Variants in MB21D2 observed in about 807,000 individuals in gnomAD.
The protein encoded by MB21D2 is Mab-21 domain containing 2.
A neutral mutation model predicts 33.3 loss-of-function variants in MB21D2; 9 were observed. The ratio of observed to expected loss-of-function variants is 0.27; its 90% CI spans 0.16 to 0.47. The LOEUF (loss-of-function observed/expected upper bound fraction) is 0.47, where lower values mean the gene tolerates loss of function less well. Ranked by LOEUF, MB21D2 falls within the 20% of genes least tolerant of loss-of-function variation. The pLI is 0.99. For synonymous variants in MB21D2, 241 were observed against 236.3 expected (o/e 1.02, Z -0.18); for missense variants, 540 against 624.6 (o/e 0.86, Z 1.44).
chr3:192,879,510 T>C (rs1457265738), intron 1 of MB21D2, among the ~76,000 whole-genome samples: 1 of 152,222 alleles, frequency 6.6e-6, no homozygotes, highest in Non-Finnish European at 1.5e-5. Flanking sequence ...CATCTCCACA[T>C]TCCTTTCTAG....
chr3:192,805,549 A>G (rs1451609940), intron 1 of MB21D2, among the ~76,000 whole-genome samples: 1 of 152,178 alleles, frequency 6.6e-6, no homozygotes, highest in African/African-American at 2.4e-5. Flanking sequence ...AACAGGGCTG[A>G]TTTAAAAGAT....
At chr3:192,912,034 G>A (rs774966565) in intron 1 of MB21D2, among the ~76,000 whole-genome samples, 1 of 152,158 alleles carries the variant, frequency 6.6e-6, no homozygotes, top group Non-Finnish European at 1.5e-5. Context: ...TGGAAAGGTA[G>A]GGCTTCAAAA....
chr3:192,821,343 A>C (rs138655536), intron 1 of MB21D2, among the ~76,000 whole-genome samples: 93 of 152,332 alleles, frequency 6.1e-4, no homozygotes, highest in Non-Finnish European at 7.9e-4. Context: ...GTTGACTCAC[A>C]AACATTTCAT....
chr3:192,805,687 C>T (rs1711646416), intron 1 of MB21D2, among the ~76,000 whole-genome samples: 1 of 152,176 alleles, frequency 6.6e-6, no homozygotes, highest in Admixed American at 6.5e-5. Flanking sequence ...GTGAGGCTAA[C>T]AAATTACTTA....
chr3:192,853,187 G>C (rs1463238971), intron 1 of MB21D2, among the ~76,000 whole-genome samples: 2 of 152,080 alleles, frequency 1.3e-5, no homozygotes, highest in Non-Finnish European at 2.9e-5. Context: ...CCTGGTCTTT[G>C]AGACCAACCA....
At position 192,799,171 on chromosome 3, in the gene MB21D2, T is replaced by C. The variant is rs1284730856; in HGVS notation, c.691A>G (p.Met231Val). Residue 231 changes from methionine (M) to valine (V), a missense_variant, in exon 2 of 2, where the codon ATG becomes GTG. Coordinates refer to ENST00000392452, the MANE Select transcript of MB21D2 (RefSeq NM_178496.4). This position sits in a 1 kb window ranked among gnomAD's most constrained non-coding sequence, Gnocchi z 4.1. ...SIILGVGSSRMLYDIVPVVSF... is the reference protein window; with the variant it reads ...SIILGVGSSRVLYDIVPVVSF... ...ACCACAGGGACAATATCATACAACA[T>C]GCGACTACTCCCTACACCCAGAATG... The C allele has an allele frequency of 6.2e-7, 1 of 1,614,194 alleles. No individual in the cohort carries two copies. Among genetic ancestry groups the C allele is most frequent in the Non-Finnish European group, 8.5e-7 (1 of 1,180,030 alleles).
At chr3:192,896,011 C>T (rs778137696) in intron 1 of MB21D2, among the ~76,000 whole-genome samples, 5 of 151,960 alleles carry the variant, frequency 3.3e-5, no homozygotes, top group South Asian at 2.1e-4. Context: ...CTTAAGGAGA[C>T]GGAAAAAAAG....
intron 1 of MB21D2, among the ~76,000 whole-genome samples, chr3:192,915,740 T>C (rs569348354): frequency 4.6e-5 from 7 of 152,312 alleles, no homozygotes; most frequent in Admixed American, 2.0e-4. Flanking sequence ...GCTTTGCTGA[T>C]TCAGTGTATC....
chr3:192,914,727 T>C (rs1253872728), intron 1 of MB21D2, among the ~76,000 whole-genome samples: 1 of 151,798 alleles, frequency 6.6e-6, no homozygotes, highest in African/African-American at 2.4e-5. Flanking sequence ...AAAATCAGAA[T>C]CTCTGTACAA....
rs141019848 is a variant in MB21D2 at position 192,887,734 on chromosome 3, C to T, written c.211+29896G>A. On this transcript the variant is annotated intron_variant, in intron 1 of 1. Transcript: ENST00000392452. ...TTACTAACAGGTTGCTTTGCTCTTA[C>T]GTAAAAATAAAAAGCATCCTATTTT... Among the ~76,000 whole-genome samples the T allele has an allele frequency of 6.5e-4, 99 of 152,184 alleles. 4 individuals are homozygous for T. Among genetic ancestry groups the T allele is most frequent in the African/African-American group, 2.1e-3 (88 of 41,480 alleles).
rs1362705994 is a variant in MB21D2, at chr3:192,798,688, T to C, written c.1174A>G (p.Thr392Ala). 6.2e-6 allele frequency: 10 copies of C among 1,613,220 alleles called. No homozygotes were observed. The highest frequency in any genetic ancestry group is 1.3e-5 in the African/African-American group (1 of 74,904). ...AGCTTCCGGGCGTGAAGCATGACTG[T>C]CTCCTCAGACAGATGTTCCAGCATG... ...CNMLEHLSEE[T>A]VMLHARKLSS... The change falls in exon 2 of 2, where the codon ACA (threonine) becomes GCA (alanine). Residue 392 changes from threonine (T) to alanine (A), a missense_variant. By Grantham distance (58) the Thr-to-Ala change is moderately conservative. Coordinates refer to ENST00000392452, the MANE Select transcript of MB21D2 (RefSeq NM_178496.4). This position sits in a 1 kb window ranked among gnomAD's most constrained non-coding sequence, Gnocchi z 4.8.
Position 192,881,411 on chromosome 3 carries a change from C to T in MB21D2, c.211+36219G>A, listed in dbSNP as rs147175273. 5.9e-3 allele frequency among the ~76,000 whole-genome samples: 899 copies of T among 152,124 alleles called. 22 individuals are homozygous for T. The highest frequency in any genetic ancestry group is 0.021 in the African/African-American group (862 of 41,434). ...AAGATCTCTGTGGCTCCTTCCAGCT[C>T]GATGTTTTATGGTTCTAAAACAAAT... On this transcript the variant is annotated intron_variant, in intron 1 of 1. Transcript: ENST00000392452.
At position 192,814,163 on chromosome 3, in the gene MB21D2, A is replaced by G. The variant is rs552382013; in HGVS notation, c.212-14513T>C. The stretch of plus-strand genomic sequence containing the variant: ...TAGTTTGAAAAATAATGATATGTTA[A>G]TAAGTCTTAGAAGTATTTCCATCGT... On this transcript the variant is annotated intron_variant, in intron 1 of 1. Coordinates refer to ENST00000392452, the MANE Select transcript of MB21D2 (RefSeq NM_178496.4). Among the ~76,000 whole-genome samples, 312 of 152,358 alleles carry G rather than the reference A, an allele frequency of 2.0e-3. 1 individual carries two copies. The highest frequency in any genetic ancestry group is 3.5e-3 in the Non-Finnish European group (236 of 68,038).
chr3:192,816,691 A>G (rs1711933679), intron 1 of MB21D2, among the ~76,000 whole-genome samples: 1 of 152,178 alleles, frequency 6.6e-6, no homozygotes. Flanking sequence ...TAAGATTCAC[A>G]GCTTTGAGGT....
At chr3:192,833,927 C>T (rs1458268825) in intron 1 of MB21D2, among the ~76,000 whole-genome samples, 3 of 152,178 alleles carry the variant, frequency 2.0e-5, no homozygotes, top group African/African-American at 7.2e-5. Flanking sequence ...ATCCCATCCT[C>T]CCCTGTATTC....
intron 1 of MB21D2, among the ~76,000 whole-genome samples, chr3:192,840,272 A>G (rs1553857685): frequency 1.3e-5 from 2 of 152,166 alleles, no homozygotes. Context: ...GAAATTAGAA[A>G]CATACATATT....
At chr3:192,889,245 T>TG (rs1366634645) in intron 1 of MB21D2, among the ~76,000 whole-genome samples, 1 of 151,990 alleles carries the variant, frequency 6.6e-6, no homozygotes, top group African/African-American at 2.4e-5. Flanking sequence ...TCTATTAAGA[T>TG]GGTTTTGGGG....
intron 1 of MB21D2, among the ~76,000 whole-genome samples, chr3:192,801,586 C>T (rs1471551754): frequency 2.0e-5 from 3 of 152,118 alleles, no homozygotes; most frequent in African/African-American, 7.2e-5. Flanking sequence ...ATAAAAGAAA[C>T]CTCAGAGCGC....
chr3:192,870,781 T>A (rs13084777), intron 1 of MB21D2, among the ~76,000 whole-genome samples: 3,447 of 105,462 alleles, frequency 0.033, 155 homozygotes, highest in East Asian at 0.22. Flanking sequence ...TCGAGGAGTT[T>A]AAAAAAAAAA....
Sources: gnomAD v4.1 joint callset for allele counts (sites outside exome capture counted in the v4.1 genomes callset) on GRCh38, gnomAD v4.1.1 for gene constraint, Gnocchi (gnomAD v3.1) non-coding constraint, MANE v1.5 for transcripts, NCBI Gene and HGNC (gene_info 2026-07-23, HGNC 2026-07-21) for gene names.